The following MON2 variants were observed in gnomAD, a reference collection of about 807,000 sequenced individuals.
The protein encoded by MON2 is protein MON2 homolog.
In MON2, 84 loss-of-function variants were observed where a neutral mutation model predicts 208.6. The observed-to-expected ratio is 0.40, with a 90% CI of 0.34 to 0.48. The LOEUF (loss-of-function observed/expected upper bound fraction) is 0.48. MON2 is among the 20% of genes least tolerant of loss of function. MON2 has a pLI of 0.59. For synonymous variants in MON2, 660 were observed against 694.0 expected, an observed-to-expected ratio of 0.95 and a Z score of 0.77; for missense variants, 1,611 against 2,015.4, an observed-to-expected ratio of 0.80 and a Z score of 3.84.
chr12:62,592,787 A>G lies in MON2; in HGVS notation c.*38A>G, dbSNP rs1367477880. ...TATTTGAAAGCAGGAAGATAGTCTA[A>G]AAAATGTTTGCTCCTAATTGAGTCT... is the stretch of plus-strand genomic sequence containing the variant. On this transcript the variant is annotated 3_prime_UTR_variant, in exon 35 of 35. Transcript: ENST00000393630. 1.3e-6 allele frequency: 2 copies of G among 1,512,184 alleles called. No individual in the cohort carries two copies. Among genetic ancestry groups the G allele is most frequent in the Non-Finnish European group, 1.8e-6 (2 of 1,111,966 alleles). 93.7% of individuals were successfully genotyped at this position (1,512,184 alleles called of 1,614,324 possible).
At chr12:62,496,614 G>A (rs563960582) in intron 4 of MON2, among the ~76,000 whole-genome samples, 2 of 152,288 alleles carry the variant, frequency 1.3e-5, no homozygotes, top group South Asian at 4.1e-4. Context: ...GGATAAATAG[G>A]AGAAAATCTT....
In MON2 at chr12:62,593,486, A is replaced by G. The variant is rs2075457228; in HGVS notation, c.*737A>G. On this transcript the variant is annotated 3_prime_UTR_variant, in exon 35 of 35. Transcript: ENST00000393630. ...CATTAAACATCTGACCAGTAAGGTC[A>G]TGTGAACACAGCAGCAAATAGTTTA... 1 of 152,630 alleles carries G rather than the reference A, an allele frequency of 6.6e-6. No homozygotes were observed. Among genetic ancestry groups the G allele is most frequent in the Non-Finnish European group, 1.5e-5 (1 of 68,002 alleles). The allele number at this position is 152,630 out of a possible 1,614,324, so 9.5% of individuals were successfully genotyped here.
intron 19 of MON2, among the ~76,000 whole-genome samples, chr12:62,541,239 G>A (rs1565664615): frequency 1.3e-5 from 2 of 152,088 alleles, no homozygotes; most frequent in South Asian, 4.1e-4. Flanking sequence ...AAATTAGCCT[G>A]GCATGGTGGT....
intron 1 of MON2, among the ~76,000 whole-genome samples, chr12:62,478,056 C>T (rs995518987): frequency 6.6e-6 from 1 of 152,074 alleles, no homozygotes. Flanking sequence ...ATTTGTGATA[C>T]AGTAAAGTCC....
chr12:62,585,089 ACACACACACACACACACACAC>A (rs2075158826), intron 32 of MON2, among the ~76,000 whole-genome samples, 184 bp from the exon 33 acceptor site: 3 of 113,612 alleles, frequency 2.6e-5, no homozygotes, highest in African/African-American at 1.1e-4. Flanking sequence ...ACACACACAC[ACACACACACACACACACACAC>A]AAAACAAAAA....
chr12:62,538,682 G>A (rs1300045629), intron 19 of MON2, among the ~76,000 whole-genome samples, 177 bp downstream of exon 19: 2 of 152,012 alleles, frequency 1.3e-5, no homozygotes, highest in Non-Finnish European at 2.9e-5. Context: ...GACATGATTT[G>A]GCTTGTGATA....
Position 62,526,050 on chromosome 12 carries a change from A to G in MON2, c.1348A>G (p.Thr450Ala). 1 of 1,613,860 alleles carries G rather than the reference A, an allele frequency of 6.2e-7. No individual in the cohort carries two copies. The highest frequency in any genetic ancestry group is 8.5e-7 in the Non-Finnish European group (1 of 1,179,816). The change falls in exon 11 of 35, where the codon ACC becomes GCC. Residue 450 changes from threonine (T) to alanine (A), a missense_variant. By Grantham distance (58) the Thr-to-Ala change is moderately conservative. Transcript: ENST00000393630. Reference protein sequence around the residue: ...TLLPAFEYRGTWIPILTITVQ... With the variant: ...TLLPAFEYRGAWIPILTITVQ... The stretch of plus-strand genomic sequence containing the variant: ...GCTACCAGCATTTGAATATAGGGGA[A>G]CCTGGATACCTATTCTGACAATCAC...
intron 1 of MON2, among the ~76,000 whole-genome samples, chr12:62,479,060 G>C (rs1162946803): frequency 6.6e-6 from 1 of 152,132 alleles, no homozygotes; most frequent in African/African-American, 2.4e-5. Flanking sequence ...AGAAGGAAAT[G>C]ATAACATCTA....
chr12:62,562,391 A>G (rs184341489), intron 26 of MON2, among the ~76,000 whole-genome samples: 1 of 152,176 alleles, frequency 6.6e-6, no homozygotes, highest in African/African-American at 2.4e-5. Context: ...ATTTATCCCA[A>G]CTACTAGTAA....
At chr12:62,574,131 C>G (rs1159860702) in intron 30 of MON2, among the ~76,000 whole-genome samples, 1 of 152,136 alleles carries the variant, frequency 6.6e-6, no homozygotes, top group Admixed American at 6.5e-5. Context: ...CCCTAACTTA[C>G]AGGGTTATTG....
chr12:62,535,432 C>T, intron 13 of MON2, 93 bp from the exon 14 acceptor site: 1 of 946,656 alleles, frequency 1.1e-6, no homozygotes, highest in East Asian at 2.8e-5. Context: ...TATAGATTTT[C>T]TTAAAATGTC....
Position 62,555,939 on chromosome 12 carries a change from ATTAC to A in MON2, c.3211-51_3211-48del, listed in dbSNP as rs368736311. 414 of 1,301,306 alleles carry A rather than the reference ATTAC, an allele frequency of 3.2e-4. 1 individual carries two copies. The African/African-American group carries it at 5.4e-3, about 17-fold the overall frequency. 80.6% of individuals were successfully genotyped at this position (1,301,306 alleles called of 1,614,324 possible). A position where few individuals can be genotyped will look rare whatever the true frequency, so the allele number is the denominator to read the frequency against. ...ATTCTTATGCTGTTGCTCCTATGCT[ATTAC>A]TTAAGCTATATTATCAATGCATTTT... is the stretch of plus-strand genomic sequence containing the variant. On this transcript the variant is annotated intron_variant, in intron 24 of 34. Coordinates refer to ENST00000393630, the MANE Select transcript of MON2 (RefSeq NM_015026.3).
In MON2 at chr12:62,537,662, G is replaced by A. The variant is rs770615193; in HGVS notation, c.2074G>A (p.Ala692Thr). 20 of 1,613,360 alleles carry A rather than the reference G, an allele frequency of 1.2e-5. No homozygotes were observed. The highest frequency in any genetic ancestry group is 3.3e-5 in the South Asian group (3 of 91,004). Reference protein sequence around the residue: ...TLLNLAHCHGAVLGTSWQLVL... With the variant: ...TLLNLAHCHGTVLGTSWQLVL... ...ACTTAACTTGGCGCATTGCCATGGG[G>A]CTGTTCTTGGAACATCATGGCAACT... The change falls in exon 16 of 35, where the codon GCT becomes ACT. Residue 692 changes from alanine to threonine, a missense_variant. Transcript: ENST00000393630.
At chr12:62,544,739 C>G (rs1302827063) in intron 20 of MON2, 159 bp from the exon 21 acceptor site, 2 of 1,522,904 alleles carry the variant, frequency 1.3e-6, no homozygotes, top group East Asian at 5.1e-5. Context: ...TTCTGTCTCT[C>G]TATTGCTTGC....
At chr12:62,537,747 A>G in intron 16 of MON2, 41 bp downstream of exon 16, 2 of 1,423,018 alleles carry the variant, frequency 1.4e-6, no homozygotes, top group South Asian at 1.2e-5. Context: ...TGTTGTTTTT[A>G]TATATAATTG....
intron 1 of MON2, among the ~76,000 whole-genome samples, chr12:62,483,324 G>A (rs1294540551): frequency 6.6e-6 from 1 of 152,078 alleles, no homozygotes; most frequent in Non-Finnish European, 1.5e-5. Context: ...TATGTGACTT[G>A]CCAGTACTGC....
rs776688668 is a variant in MON2 at position 62,592,781 on chromosome 12, A to G, written c.*32A>G. 12 of 1,520,382 alleles carry G rather than the reference A, an allele frequency of 7.9e-6. 1 individual carries two copies. The South Asian group carries it at 1.4e-4, about 18-fold the overall frequency. The allele number at this position is 1,520,382 out of a possible 1,614,324, so 94.2% of individuals were successfully genotyped here. On this transcript the variant is annotated 3_prime_UTR_variant, in exon 35 of 35. Transcript: ENST00000393630. The stretch of plus-strand genomic sequence containing the variant: ...ACAATATATTTGAAAGCAGGAAGAT[A>G]GTCTAAAAAATGTTTGCTCCTAATT...
intron 23 of MON2, among the ~76,000 whole-genome samples, chr12:62,551,442 G>A (rs192907224): frequency 3.3e-5 from 5 of 152,140 alleles, no homozygotes; most frequent in African/African-American, 7.2e-5. Flanking sequence ...ACATAGGTGC[G>A]GCTCATGCAC....
At chr12:62,537,806 A>G in intron 16 of MON2, 100 bp downstream of exon 16, 2 of 901,364 alleles carry the variant, frequency 2.2e-6, no homozygotes, top group Non-Finnish European at 3.4e-6. Context: ...ACAGGCCTAA[A>G]AAATAGATAG....
Sources: gnomAD v4.1 joint callset for allele counts (sites outside exome capture counted in the v4.1 genomes callset) on GRCh38, gnomAD v4.1.1 for gene constraint, MANE v1.5 for transcripts, NCBI Gene and HGNC (gene_info 2026-07-23, HGNC 2026-07-21) for gene names.